Variants in MYO1H observed in about 807,000 individuals in gnomAD.
MYO1H encodes the protein unconventional myosin-Ih.
A neutral mutation model predicts 149.3 loss-of-function variants in MYO1H; 118 were observed. The ratio of observed to expected loss-of-function variants is 0.79; its 90% confidence interval spans 0.68 to 0.92. The LOEUF (loss-of-function observed/expected upper bound fraction) is 0.92. Ranked by LOEUF, MYO1H falls within the 40% of genes least tolerant of loss-of-function variation. The probability of loss-of-function intolerance (pLI) is 0.00; values close to 1 mark genes in which losing one functional copy is unlikely to be tolerated. For synonymous variants in MYO1H, 447 were observed against 465.2 expected (o/e 0.96, Z 0.50); for missense variants, 1,212 against 1,280.7 (o/e 0.95, Z 0.82).
chr12:109,311,397 C>T, the MYO1H span, among the ~76,000 whole-genome samples: 1 of 152,168 alleles, frequency 6.6e-6, no homozygotes. Flanking sequence ...ACTAAAACAC[C>T]TACTGCTACA....
At position 109,379,072 on chromosome 12, in the gene MYO1H, G is replaced by A. The variant is rs192233793; in HGVS notation, c.13-9611G>A. 1.5e-3 allele frequency among the ~76,000 whole-genome samples: 221 copies of A among 152,280 alleles called. 2 individuals are homozygous for A. Among genetic ancestry groups the A allele is most frequent in the African/African-American group, 5.1e-3 (210 of 41,550 alleles). On this transcript the variant is annotated intron_variant, in intron 1 of 31. Transcript: ENST00000310903. ...GAGTACTAGGCACTGGTCACCTATG[G>A]CTATGTAAATTTAAATAAATCAAAA...
At chr12:109,446,495 G>A (rs1292252095) in intron 31 of MYO1H, 4 of 984,054 alleles carry the variant, frequency 4.1e-6, no homozygotes, top group Non-Finnish European at 4.8e-6. Context: ...CCGGCGCGGT[G>A]GCTCACGCCT....
chr12:109,383,694 GA>G (rs1331767172), intron 1 of MYO1H, among the ~76,000 whole-genome samples: 1 of 152,232 alleles, frequency 6.6e-6, no homozygotes. Flanking sequence ...CAGTTGGCCG[GA>G]AGTAGTCAAG....
At chr12:109,423,166 T>G (rs1871243468) in intron 16 of MYO1H, among the ~76,000 whole-genome samples, 1 of 151,994 alleles carries the variant, frequency 6.6e-6, no homozygotes, top group East Asian at 1.9e-4. Context: ...TTTTATTTAT[T>G]TATTATTTTT....
chr12:109,344,892 A>C (rs189164792), upstream of MYO1H, among the ~76,000 whole-genome samples: 967 of 152,328 alleles, frequency 6.3e-3, 11 homozygotes, highest in African/African-American at 0.022. Context: ...ATAATTTTTC[A>C]ACAAATGATG....
rs140216591 is a variant in MYO1H, at chr12:109,395,721, C to T, written c.291-663C>T. 1.8e-3 allele frequency among the ~76,000 whole-genome samples: 256 copies of T among 144,004 alleles called. 9 individuals are homozygous for T. In the East Asian group the frequency reaches 0.051, roughly 28 times the overall value. 94.5% of individuals were successfully genotyped at this position (144,004 alleles called of 152,430 possible). On this transcript the variant is annotated intron_variant, in intron 3 of 31. Coordinates refer to ENST00000310903, the Ensembl canonical transcript of MYO1H. ...CTGCACTCTGGCCTGGGCGACAGAG[C>T]GAGACTCCATCTCAAAAAAAAAAAA...
At chr12:109,370,237 GGTA>G (rs1278686525) in intron 1 of MYO1H, among the ~76,000 whole-genome samples, 3 of 152,302 alleles carry the variant, frequency 2.0e-5, no homozygotes, top group Non-Finnish European at 4.4e-5. Context: ...CTGAAGCCAG[GGTA>G]GTGCCATGCC....
At position 109,396,814 on chromosome 12, in the gene MYO1H, G is replaced by GTTT. The variant is rs60551691; in HGVS notation, c.489+260_489+262dup. Among the ~76,000 whole-genome samples, 71 of 51,074 alleles carry GTTT rather than the reference G, an allele frequency of 1.4e-3. 12 individuals are homozygous for GTTT. The highest frequency in any genetic ancestry group is 2.3e-3 in the Admixed American group (8 of 3,482). The allele number at this position is 51,074 out of a possible 152,430, so 33.5% of individuals were successfully genotyped here. A position where few individuals can be genotyped will look rare whatever the true frequency, so the allele number is the denominator to read the frequency against. On this transcript the variant is annotated intron_variant, in intron 4 of 31. Transcript: ENST00000310903. Reference sequence around the variant, plus strand: ...GACATTTGGTTTTTGTTTTGGTTTCGTTTTTTTTTTTTTTTTTTTTTTTTT... The same window carrying GTTT: ...GACATTTGGTTTTTGTTTTGGTTTCGTTTTTTTTTTTTTTTTTTTTTTTTTTTT...
intron 1 of MYO1H, among the ~76,000 whole-genome samples, chr12:109,365,538 G>A (rs1868849389): frequency 6.6e-6 from 1 of 152,174 alleles, no homozygotes; most frequent in African/African-American, 2.4e-5. Flanking sequence ...GGTGAGCTTG[G>A]TTGGAGGCTG....
chr12:109,338,494 A>G, the MYO1H span, among the ~76,000 whole-genome samples: 1 of 152,118 alleles, frequency 6.6e-6, no homozygotes, highest in African/African-American at 2.4e-5. Flanking sequence ...CTGGCCAGGC[A>G]TGGTGGCTCA....
intron 1 of MYO1H, among the ~76,000 whole-genome samples, chr12:109,351,939 T>C (rs1868467587): frequency 1.3e-5 from 2 of 152,162 alleles, no homozygotes; most frequent in Admixed American, 6.5e-5. Flanking sequence ...CTCATCGCTG[T>C]CATATGTAGA....
chr12:109,441,717 A>G lies in MYO1H; in HGVS notation c.2632+9A>G. The G allele has an allele frequency of 1.3e-6, 2 of 1,595,600 alleles. No homozygotes were observed. The highest frequency in any genetic ancestry group is 1.7e-5 in the Admixed American group (1 of 58,494). On this transcript the variant is annotated intron_variant, in intron 26 of 31. Coordinates refer to ENST00000310903, the Ensembl canonical transcript of MYO1H. ...TGTCAACAGTCGGATAGGTAAGTAC[A>G]TTTTCCAGCCTATGTACTTGGCTTT...
At chr12:109,399,448 C>T (rs1053264546) in intron 5 of MYO1H, among the ~76,000 whole-genome samples, 8 of 151,262 alleles carry the variant, frequency 5.3e-5, no homozygotes, top group Admixed American at 6.6e-5. Flanking sequence ...GAAAATTAGC[C>T]GAGTGTGGTG....
At chr12:109,339,958 A>G in the MYO1H span, among the ~76,000 whole-genome samples, 1 of 152,224 alleles carries the variant, frequency 6.6e-6, no homozygotes, top group Non-Finnish European at 1.5e-5. Flanking sequence ...AATTCAACTT[A>G]TAGGAACTCC....
intron 4 of MYO1H, among the ~76,000 whole-genome samples, chr12:109,396,815 T>G (rs12821666): frequency 2.5e-4 from 9 of 36,544 alleles, no homozygotes; most frequent in East Asian, 1.2e-3. Context: ...TTTGGTTTCG[T>G]TTTTTTTTTT....
the MYO1H span, among the ~76,000 whole-genome samples, chr12:109,318,491 A>G: frequency 6.6e-6 from 1 of 152,282 alleles, no homozygotes; most frequent in East Asian, 1.9e-4. Flanking sequence ...TGACCAAGTG[A>G]TAAAAGTTAA....
the MYO1H span, among the ~76,000 whole-genome samples, chr12:109,327,739 C>CAA: frequency 0.15 from 13,168 of 85,490 alleles, 1,234 homozygotes; most frequent in African/African-American, 0.22. Context: ...AAAACTGTCT[C>CAA]AAAAAAAAAA....
chr12:109,399,032 G>A (rs73403778), intron 5 of MYO1H, among the ~76,000 whole-genome samples: 5,778 of 152,142 alleles, frequency 0.038, 339 homozygotes, highest in African/African-American at 0.13. Context: ...AATTCCAAGC[G>A]GTAAAATGAC....
chr12:109,379,233 A>G (rs10850090), intron 1 of MYO1H, among the ~76,000 whole-genome samples: 54,318 of 152,148 alleles, frequency 0.36, 10,039 homozygotes, highest in Admixed American at 0.45. Flanking sequence ...ATTTGACAGC[A>G]CTGACTTAGG....
Sources: allele counts gnomAD v4.1 joint callset (sites outside exome capture counted in the v4.1 genomes callset), GRCh38; gene constraint gnomAD v4.1.1; transcripts MANE v1.5; gene names NCBI Gene and HGNC (gene_info 2026-07-23, HGNC 2026-07-21).